Variants in DLGAP2 observed in about 807,000 individuals in gnomAD.
DLGAP2 encodes the protein disks large-associated protein 2.
In DLGAP2, 26 loss-of-function variants were observed where a neutral mutation model predicts 100.3. That is an observed-to-expected ratio of 0.26 (90% CI 0.19 to 0.36). DLGAP2 has a LOEUF of 0.36. Among genes scored for constraint, DLGAP2 ranks in the 10% least tolerant of loss-of-function variants. The pLI is 1.00. For missense variants in DLGAP2, 1,858 were observed against 1,453.2 expected, an observed-to-expected ratio of 1.28 and a Z score of -4.53; for synonymous variants, 886 against 630.1, an observed-to-expected ratio of 1.41 and a Z score of -6.08.
At position 837,109 on chromosome 8, in the gene DLGAP2, C is replaced by T. The variant is rs1343502159; in HGVS notation, c.19-70803C>T. 7.2e-5 allele frequency among the ~76,000 whole-genome samples: 11 copies of T among 152,390 alleles called. No individual in the cohort carries two copies. The Middle Eastern group carries it at 0.01, about 141-fold the overall frequency. On this transcript the variant is annotated intron_variant, in intron 1 of 14. Coordinates refer to ENST00000637795, the MANE Select transcript of DLGAP2 (RefSeq NM_001346810.2). ...GTCAGGGTTAGGGCGCTACCCCCAG[C>T]ATCTCCATGTTCCCATCTGTGACAC...
intron 1 of DLGAP2, among the ~76,000 whole-genome samples, chr8:802,899 C>T (rs139179090): frequency 1.3e-5 from 2 of 152,214 alleles, no homozygotes; most frequent in African/African-American, 2.4e-5. Context: ...GTGCTGTGTC[C>T]AGGAGGGGGT....
intron 2 of DLGAP2, among the ~76,000 whole-genome samples, chr8:1,093,324 C>T (rs1804248155): frequency 6.6e-6 from 1 of 151,164 alleles, no homozygotes; most frequent in Non-Finnish European, 1.5e-5. Flanking sequence ...AATACTTTCA[C>T]ACCAACAGCC....
intron 1 of DLGAP2, among the ~76,000 whole-genome samples, chr8:818,908 A>G (rs1457779951): frequency 6.6e-6 from 1 of 152,220 alleles, no homozygotes; most frequent in African/African-American, 2.4e-5. Context: ...AAAACTTAGA[A>G]AAATTTAATG....
chr8:1,348,096 A>G (rs553545269), intron 3 of DLGAP2, among the ~76,000 whole-genome samples: 1 of 151,250 alleles, frequency 6.6e-6, no homozygotes, highest in East Asian at 1.9e-4. Flanking sequence ...CTGAGTTCCT[A>G]TACAGAGCTA....
chr8:1,048,645 C>G (rs191458609), intron 2 of DLGAP2, among the ~76,000 whole-genome samples: 83 of 151,962 alleles, frequency 5.5e-4, no homozygotes, highest in Admixed American at 4.6e-4. Flanking sequence ...GGGCTCAAAC[C>G]ACATGCCTTG....
intron 2 of DLGAP2, among the ~76,000 whole-genome samples, chr8:1,183,563 A>G (rs1006199333): frequency 1.3e-5 from 2 of 152,192 alleles, no homozygotes; most frequent in African/African-American, 4.8e-5. Flanking sequence ...TGCTGTTAGT[A>G]TCCTCACCAT....
At chr8:1,267,568 T>TAATAATAAAAA (rs1563051859) in intron 3 of DLGAP2, among the ~76,000 whole-genome samples, 1 of 48,218 alleles carries the variant, frequency 2.1e-5, no homozygotes, top group African/African-American at 9.4e-5. Flanking sequence ...CAAAATAAAA[T>TAATAATAAAAA]AAAATAAAAT....
intron 3 of DLGAP2, among the ~76,000 whole-genome samples, chr8:1,455,730 GCATCCTCCAGA>G (rs1010042319): frequency 1.3e-5 from 2 of 152,098 alleles, no homozygotes; most frequent in African/African-American, 4.8e-5. Context: ...ATTAAGCGTC[GCATCCTCCAGA>G]GGCACTTCCT....
chr8:1,686,255 C>G (rs1190555604), intron 12 of DLGAP2, among the ~76,000 whole-genome samples: 1 of 152,074 alleles, frequency 6.6e-6, no homozygotes, highest in East Asian at 1.9e-4. Flanking sequence ...GAATATTATT[C>G]AGCCATAAAA....
chr8:1,635,226 G>C (rs1345893319), intron 8 of DLGAP2, among the ~76,000 whole-genome samples: 8 of 152,062 alleles, frequency 5.3e-5, no homozygotes, highest in African/African-American at 1.9e-4. Context: ...AGTCTATTTA[G>C]CAAGATTATG....
chr8:1,652,037 C>A (rs1428708475), intron 8 of DLGAP2, among the ~76,000 whole-genome samples: 1 of 152,170 alleles, frequency 6.6e-6, no homozygotes, highest in Admixed American at 6.5e-5. Context: ...TTCTCTTTTT[C>A]CTTGAGAATT....
chr8:1,486,757 A>G (rs1019596170), intron 3 of DLGAP2, among the ~76,000 whole-genome samples: 7 of 152,400 alleles, frequency 4.6e-5, no homozygotes, highest in Middle Eastern at 6.8e-3. Context: ...GAAGGCAAAT[A>G]TACTGCCAGT....
intron 2 of DLGAP2, chr8:1,002,472 A>T (rs1037231281): frequency 1.3e-5 from 2 of 152,256 alleles, no homozygotes; most frequent in African/African-American, 2.4e-5. Context: ...GTAAAATATT[A>T]TTCTGCAGTA....
At chr8:1,261,931 C>G (rs192963529) in intron 3 of DLGAP2, among the ~76,000 whole-genome samples, 391 of 152,284 alleles carry the variant, frequency 2.6e-3, no homozygotes, top group African/African-American at 9.0e-3. Context: ...GCGTGTGCGG[C>G]TCGGATGTGG....
intron 2 of DLGAP2, among the ~76,000 whole-genome samples, chr8:1,029,695 G>A (rs1426039662): frequency 2.6e-5 from 4 of 152,172 alleles, no homozygotes; most frequent in African/African-American, 9.7e-5. Context: ...AGAGAAAGGC[G>A]GGTGACCTTG....
intron 14 of DLGAP2, among the ~76,000 whole-genome samples, chr8:1,699,259 C>A (rs1799501851): frequency 6.6e-6 from 1 of 152,118 alleles, no homozygotes; most frequent in Non-Finnish European, 1.5e-5. Flanking sequence ...ATCACGAGGT[C>A]AGGATATCAA....
chr8:886,891 A>G (rs1264374162), intron 1 of DLGAP2, among the ~76,000 whole-genome samples: 2 of 152,102 alleles, frequency 1.3e-5, no homozygotes, highest in African/African-American at 4.8e-5. Flanking sequence ...GTTCCATTTG[A>G]TCTAGAGCTG....
chr8:1,084,524 T>G (rs1236584305), intron 2 of DLGAP2, among the ~76,000 whole-genome samples: 1 of 152,184 alleles, frequency 6.6e-6, no homozygotes, highest in African/African-American at 2.4e-5. Context: ...TGGGCACCAT[T>G]TCTCCCTCCC....
chr8:1,110,341 C>CCCGTG (rs1563197351), intron 2 of DLGAP2, among the ~76,000 whole-genome samples: 1 of 137,914 alleles, frequency 7.3e-6, no homozygotes, highest in Non-Finnish European at 1.6e-5. Flanking sequence ...GGGTCTGTGA[C>CCCGTG]ATGTGCTGGG....
Sources: allele counts gnomAD v4.1 joint callset (sites outside exome capture counted in the v4.1 genomes callset), GRCh38; gene constraint gnomAD v4.1.1; transcripts MANE v1.5; gene names NCBI Gene and HGNC (gene_info 2026-07-23, HGNC 2026-07-21).